Variants in TASP1 observed in about 807,000 individuals in gnomAD.
TASP1 encodes taspase 1.
A neutral mutation model predicts 56.6 loss-of-function variants in TASP1; 16 were observed. The ratio of observed to expected loss-of-function variants is 0.28; its 90% confidence interval spans 0.19 to 0.43. TASP1 has a LOEUF of 0.43. Among genes scored for constraint, TASP1 ranks in the 20% least tolerant of loss-of-function variants. The probability of loss-of-function intolerance (pLI) is 1.00; values close to 1 mark genes in which losing one functional copy is unlikely to be tolerated. For synonymous variants in TASP1, 179 were observed against 184.2 expected (o/e 0.97, Z 0.23); for missense variants, 393 against 511.6 (o/e 0.77, Z 2.24).
intron 1 of TASP1, among the ~76,000 whole-genome samples, chr20:13,635,829 T>G (rs2049284635): frequency 6.6e-6 from 1 of 152,240 alleles, no homozygotes; most frequent in South Asian, 2.1e-4. Flanking sequence ...ACTCTTGGCC[T>G]AACCAAAACA....
At position 13,395,818 on chromosome 20, in the gene TASP1, C is replaced by T. The variant is rs532252334; in HGVS notation, c.1171-5366G>A. 5.3e-5 allele frequency among the ~76,000 whole-genome samples: 8 copies of T among 152,032 alleles called. No homozygotes were observed. In the South Asian group the frequency reaches 1.7e-3, roughly 32 times the overall value. The stretch of plus-strand genomic sequence containing the variant: ...CCAGGTTCAAGAGATTCTCCTGCCT[C>T]AGTCTCCTGGGTAGCTGGGACTATA... On this transcript the variant is annotated intron_variant, in intron 13 of 13. Coordinates refer to ENST00000337743, the MANE Select transcript of TASP1 (RefSeq NM_017714.3).
the TASP1 span, among the ~76,000 whole-genome samples, chr20:13,197,124 G>A: frequency 6.6e-5 from 10 of 152,288 alleles, no homozygotes; most frequent in East Asian, 1.9e-3. Context: ...ACATCCCCCT[G>A]GAGGCAGGGG....
chr20:13,222,052 G>A, the TASP1 span: 2 of 871,562 alleles, frequency 2.3e-6, no homozygotes, highest in Non-Finnish European at 3.1e-6. Context: ...CAGTAGTTTT[G>A]CCCGGGCCAC....
chr20:13,515,548 TAAA>T (rs34077486), intron 10 of TASP1, among the ~76,000 whole-genome samples: 3,755 of 122,952 alleles, frequency 0.031, 80 homozygotes, highest in African/African-American at 0.066. Context: ...TTCATACACT[TAAA>T]AAAAAAAAAA....
intron 8 of TASP1, among the ~76,000 whole-genome samples, chr20:13,541,846 A>G (rs907983377): frequency 7.2e-5 from 11 of 152,008 alleles, no homozygotes; most frequent in Non-Finnish European, 1.5e-4. Flanking sequence ...AAACCTGCAT[A>G]TAAATTAAAA....
At chr20:13,373,031 G>A in the TASP1 span, among the ~76,000 whole-genome samples, 5 of 151,932 alleles carry the variant, frequency 3.3e-5, no homozygotes, top group African/African-American at 4.8e-5. Flanking sequence ...GTCTATTAAA[G>A]AGAGATAACA....
At chr20:13,366,038 T>G in the TASP1 span, among the ~76,000 whole-genome samples, 2 of 152,150 alleles carry the variant, frequency 1.3e-5, no homozygotes, top group Non-Finnish European at 2.9e-5. Flanking sequence ...CCTGAGCAAC[T>G]GGGCAAGCGA....
intron 13 of TASP1, among the ~76,000 whole-genome samples, chr20:13,406,992 A>G (rs2041952042): frequency 6.6e-6 from 1 of 152,152 alleles, no homozygotes; most frequent in South Asian, 2.1e-4. Context: ...CATTCATGCA[A>G]GTTGAGATGA....
At chr20:13,299,190 G>A in the TASP1 span, 1 of 1,606,064 alleles carries the variant, frequency 6.2e-7, no homozygotes, top group East Asian at 2.2e-5. The surrounding 1 kb of genome is among the most constrained non-coding windows in gnomAD (Gnocchi z 5.8). Context: ...GCTGTCCCTG[G>A]AGAGCACCAC....
intron 8 of TASP1, among the ~76,000 whole-genome samples, chr20:13,558,185 G>A (rs1446216277): frequency 1.3e-5 from 2 of 151,982 alleles, no homozygotes; most frequent in Non-Finnish European, 2.9e-5. Context: ...CATTACAGAA[G>A]AACTAAACAA....
the TASP1 span, among the ~76,000 whole-genome samples, chr20:13,228,114 A>G: frequency 6.6e-6 from 1 of 151,948 alleles, no homozygotes; most frequent in Non-Finnish European, 1.5e-5. Context: ...CTGGGATTAC[A>G]GGTACCCACC....
At chr20:13,550,674 T>C (rs2045954863) in intron 8 of TASP1, among the ~76,000 whole-genome samples, 1 of 152,142 alleles carries the variant, frequency 6.6e-6, no homozygotes, top group Non-Finnish European at 1.5e-5. Flanking sequence ...GCAAAGTCAA[T>C]TTCTAGAGAA....
At chr20:13,447,704 T>A (rs2146272877) in intron 11 of TASP1, among the ~76,000 whole-genome samples, 1 of 152,266 alleles carries the variant, frequency 6.6e-6, no homozygotes, top group East Asian at 1.9e-4. Flanking sequence ...TGGATTGCTT[T>A]CAGATGTTTT....
chr20:13,331,912 G>T, the TASP1 span, among the ~76,000 whole-genome samples: 1 of 152,136 alleles, frequency 6.6e-6, no homozygotes, highest in Non-Finnish European at 1.5e-5. Flanking sequence ...CTGGTTTTCA[G>T]TTGGGATTTG....
the TASP1 span, among the ~76,000 whole-genome samples, chr20:13,361,304 T>C: frequency 3.5e-4 from 54 of 152,324 alleles, no homozygotes; most frequent in South Asian, 4.6e-3. Flanking sequence ...TCCGTTCTGT[T>C]AGACATAATT....
At chr20:13,507,919 A>T (rs573183308) in intron 10 of TASP1, among the ~76,000 whole-genome samples, 2 of 152,328 alleles carry the variant, frequency 1.3e-5, no homozygotes, top group South Asian at 4.1e-4. Flanking sequence ...GCCTAGAAAT[A>T]AACCCACACA....
At chr20:13,362,750 G>T in the TASP1 span, among the ~76,000 whole-genome samples, 3 of 147,866 alleles carry the variant, frequency 2.0e-5, no homozygotes, top group East Asian at 2.0e-4. Flanking sequence ...AAACATCAGT[G>T]GTTGCCTAGA....
intron 8 of TASP1, among the ~76,000 whole-genome samples, chr20:13,538,273 G>C (rs971454334): frequency 6.6e-6 from 1 of 152,032 alleles, no homozygotes; most frequent in Non-Finnish European, 1.5e-5. Context: ...CAAAGTGCTG[G>C]GATTACAGGC....
At chr20:13,284,361 G>A in the TASP1 span, among the ~76,000 whole-genome samples, 12 of 152,280 alleles carry the variant, frequency 7.9e-5, no homozygotes, top group African/African-American at 1.9e-4. Flanking sequence ...CACTGCACTC[G>A]GGATAGTTTT....
Sources: gnomAD v4.1 joint callset for allele counts (sites outside exome capture counted in the v4.1 genomes callset) on GRCh38, gnomAD v4.1.1 for gene constraint, Gnocchi (gnomAD v3.1) non-coding constraint, MANE v1.5 for transcripts, NCBI Gene and HGNC (gene_info 2026-07-23, HGNC 2026-07-21) for gene names.